PUS7: variants seen among roughly 807,000 people sequenced by gnomAD.
PUS7 encodes the protein pseudouridylate synthase 7 homolog.
Under a neutral mutation model 79.8 loss-of-function variants are expected in PUS7, and 48 were observed. The observed-to-expected ratio is 0.60, with a 90% CI of 0.48 to 0.76. PUS7 has a LOEUF of 0.76. PUS7 is among the 30% of genes least tolerant of loss of function. The probability of loss-of-function intolerance (pLI) is 0.00; values close to 1 mark genes in which losing one functional copy is unlikely to be tolerated. For missense variants in PUS7, 729 were observed against 797.6 expected, an observed-to-expected ratio of 0.91 and a Z score of 1.04; for synonymous variants, 286 against 272.2, an observed-to-expected ratio of 1.05 and a Z score of -0.50.
In PUS7 at chr7:105,508,147, A is replaced by G; in HGVS notation, c.366T>C (p.Ser122=). The change falls in exon 2 of 16, where the codon TCT becomes TCC. Residue 122 remains serine (S), a synonymous_variant. Transcript: ENST00000469408. The stretch of plus-strand genomic sequence containing the variant: ...TTAAGATTCCCGAGAACCCTTGATG[A>G]GAACTCACAAACTTGGTGATGCCTA... The part of the protein sequence containing the change: ...ADVGITKFVS[S]HQGFSGILKE... The G allele has an allele frequency of 1.2e-6, 2 of 1,614,082 alleles. No homozygotes were observed. Among genetic ancestry groups the G allele is most frequent in the South Asian group, 2.2e-5 (2 of 91,054 alleles).
intron 9 of PUS7, among the ~76,000 whole-genome samples, chr7:105,475,429 C>G (rs1001544518): frequency 3.3e-5 from 5 of 151,958 alleles, no homozygotes; most frequent in African/African-American, 1.2e-4. Context: ...TTGTGATCTG[C>G]CCCCCTTGGC....
At chr7:105,494,623 T>C (rs1245388879) in intron 6 of PUS7, among the ~76,000 whole-genome samples, 13 of 152,054 alleles carry the variant, frequency 8.5e-5, no homozygotes, top group Non-Finnish European at 1.0e-4. Flanking sequence ...TTGGCCAAGA[T>C]GGTCTCGATC....
chr7:105,500,966 T>C (rs1287960390), intron 5 of PUS7, among the ~76,000 whole-genome samples: 1 of 152,218 alleles, frequency 6.6e-6, no homozygotes, highest in African/African-American at 2.4e-5. Flanking sequence ...ACACATCATC[T>C]GGCTTTTCTT....
At chr7:105,476,862 G>A (rs563622307) in intron 9 of PUS7, among the ~76,000 whole-genome samples, 1 of 152,302 alleles carries the variant, frequency 6.6e-6, no homozygotes, top group South Asian at 2.1e-4. Context: ...GACTAGTGAT[G>A]TTGAACACCA....
intron 7 of PUS7, among the ~76,000 whole-genome samples, chr7:105,486,253 A>G (rs1257566561): frequency 2.0e-5 from 3 of 151,130 alleles, no homozygotes; most frequent in African/African-American, 7.3e-5. Context: ...GGGTTTCACC[A>G]TGTTGGCAAG....
At chr7:105,465,508 A>G in intron 12 of PUS7, 94 bp from the exon 13 acceptor site, 1 of 936,204 alleles carries the variant, frequency 1.1e-6, no homozygotes, top group South Asian at 1.5e-5. Flanking sequence ...GCAAGTCAGA[A>G]GTACAAGTTG....
rs950317038 is a variant in PUS7 at position 105,475,224 on chromosome 7, C to T, written c.1176-3031G>A. Among the ~76,000 whole-genome samples, 12 of 151,994 alleles carry T rather than the reference C, an allele frequency of 7.9e-5. No homozygotes were observed. The East Asian group carries it at 1.2e-3, about 15-fold the overall frequency. On this transcript the variant is annotated intron_variant, in intron 9 of 15. Transcript: ENST00000469408. ...TTTTTGAGATGGAGTCTCGCTCTGT[C>T]ACCCAGGCTAGAGTGCAGTGGCACG...
intron 14 of PUS7, 80 bp from the exon 15 acceptor site, chr7:105,459,339 GCAAGAAAAA>G: frequency 1.2e-6 from 1 of 851,824 alleles, no homozygotes; most frequent in Non-Finnish European, 1.8e-6. Context: ...CATTTATTTA[GCAAGAAAAA>G]CAAGTAAGTT....
At chr7:105,492,840 G>T (rs565718134) in intron 6 of PUS7, among the ~76,000 whole-genome samples, 1 of 151,530 alleles carries the variant, frequency 6.6e-6, no homozygotes, top group Non-Finnish European at 1.5e-5. Flanking sequence ...ATGGGGTTTC[G>T]CCATGTTGGC....
At chr7:105,516,208 G>A (rs1242026917) in intron 1 of PUS7, among the ~76,000 whole-genome samples, 1 of 152,040 alleles carries the variant, frequency 6.6e-6, no homozygotes, top group Non-Finnish European at 1.5e-5. Context: ...GCCTCCCAAA[G>A]TGCTGGGATT....
intron 12 of PUS7, among the ~76,000 whole-genome samples, chr7:105,467,149 TA>T (rs1823682799): frequency 7.0e-6 from 1 of 143,366 alleles, no homozygotes; most frequent in Admixed American, 7.4e-5. Context: ...GGCTTTAAAC[TA>T]AAAGACACAG....
intron 5 of PUS7, 85 bp from the exon 6 acceptor site, chr7:105,495,338 G>A (rs763816577): frequency 3.9e-6 from 3 of 775,500 alleles, no homozygotes; most frequent in Admixed American, 2.1e-5. Flanking sequence ...GAACCTTTGA[G>A]TGGAAAATCA....
At chr7:105,475,092 A>G (rs1373677768) in intron 9 of PUS7, among the ~76,000 whole-genome samples, 1 of 152,238 alleles carries the variant, frequency 6.6e-6, no homozygotes, top group African/African-American at 2.4e-5. Flanking sequence ...ATGCTACCAT[A>G]TACTGTAAAG....
chr7:105,485,441 C>T (rs1474286571), intron 7 of PUS7, among the ~76,000 whole-genome samples: 1 of 152,170 alleles, frequency 6.6e-6, no homozygotes, highest in Non-Finnish European at 1.5e-5. Flanking sequence ...AACTCCTGAC[C>T]TCAGGTGATC....
In PUS7 at chr7:105,522,111, T is replaced by A. The variant is rs1258864159; in HGVS notation, c.-92A>T. The A allele has an allele frequency of 6.6e-6, 1 of 152,234 alleles. No homozygotes were observed. Among genetic ancestry groups the A allele is most frequent in the African/African-American group, 2.4e-5 (1 of 41,418 alleles). The allele number at this position is 152,234 out of a possible 1,614,324, so 9.4% of individuals were successfully genotyped here. On this transcript the variant is annotated 5_prime_UTR_variant, in exon 1 of 16. Transcript: ENST00000469408. ...GGCGGCGAGGTGGCCAGCGCTCTGG[T>A]TGGGACGCAAGAGAGCGGCGAAGGC...
At chr7:105,494,043 C>T (rs546406605) in intron 6 of PUS7, among the ~76,000 whole-genome samples, 35 of 152,310 alleles carry the variant, frequency 2.3e-4, no homozygotes, top group African/African-American at 7.0e-4. Flanking sequence ...CCTTGCCGAT[C>T]CCCAGAGATC....
chr7:105,462,481 A>G (rs916205212), intron 14 of PUS7, 140 bp downstream of exon 14: 1 of 958,370 alleles, frequency 1.0e-6, no homozygotes, highest in Non-Finnish European at 1.5e-6. Flanking sequence ...TGGTGTTATA[A>G]TCTTATGATA....
chr7:105,479,618 T>G (rs1454594397), intron 9 of PUS7, among the ~76,000 whole-genome samples: 1 of 152,170 alleles, frequency 6.6e-6, no homozygotes, highest in African/African-American at 2.4e-5. Context: ...TAGGTTACCC[T>G]AGAGGGGTTC....
chr7:105,501,243 G>T (rs1380678058), intron 5 of PUS7, among the ~76,000 whole-genome samples: 1 of 152,128 alleles, frequency 6.6e-6, no homozygotes. Flanking sequence ...TAAATAAACA[G>T]TTTTTTGTTA....
Sources: gnomAD v4.1 joint callset for allele counts (sites outside exome capture counted in the v4.1 genomes callset) on GRCh38, gnomAD v4.1.1 for gene constraint, MANE v1.5 for transcripts, NCBI Gene and HGNC (gene_info 2026-07-23, HGNC 2026-07-21) for gene names.